The following ZDHHC8 variants were observed in gnomAD, a reference collection of about 807,000 sequenced individuals.
ZDHHC8 encodes the protein zDHHC palmitoyltransferase 8.
ZDHHC8 carries 24 observed loss-of-function variants against 61.2 expected under a neutral mutation model. The ratio of observed to expected loss-of-function variants is 0.39; its 90% CI spans 0.28 to 0.55. The LOEUF (loss-of-function observed/expected upper bound fraction) is 0.55. Ranked by LOEUF, ZDHHC8 falls within the 20% of genes least tolerant of loss-of-function variation. The pLI is 0.60. For missense variants in ZDHHC8, 935 were observed against 1,102.1 expected, an observed-to-expected ratio of 0.85 and a Z score of 2.15; for synonymous variants, 523 against 492.5, an observed-to-expected ratio of 1.06 and a Z score of -0.82.
chr22:20,145,101 C>T (rs532710877), intron 10 of ZDHHC8, 128 bp from the exon 11 acceptor site: 23 of 861,172 alleles, frequency 2.7e-5, no homozygotes, highest in African/African-American at 1.4e-4. Flanking sequence ...AGGGACTGCA[C>T]GGGGCCCCAC....
chr22:20,145,256 A>T lies in ZDHHC8; in HGVS notation c.2154A>T (p.Pro718=). 2 of 1,522,630 alleles carry T rather than the reference A, an allele frequency of 1.3e-6. No homozygotes were observed. The highest frequency in any genetic ancestry group is 1.8e-6 in the Non-Finnish European group (2 of 1,135,576). 94.3% of individuals were successfully genotyped at this position (1,522,630 alleles called of 1,614,324 possible). ...ACCACCCTCAGCTGAAGACTCCCCC[A>T]AGTAAGCTTAATGGGCAGTCCCCGG... The part of the protein sequence containing the change: ...QRDHPQLKTP[P]SKLNGQSPGL... The change falls in exon 11 of 11, where the codon CCA becomes CCT. Residue 718 remains proline (P), a synonymous_variant. Coordinates refer to ENST00000334554, the MANE Select transcript of ZDHHC8 (RefSeq NM_013373.4).
At chr22:20,132,800 G>A (rs975199332) in intron 1 of ZDHHC8, among the ~76,000 whole-genome samples, 1 of 152,260 alleles carries the variant, frequency 6.6e-6, no homozygotes, top group East Asian at 1.9e-4. Context: ...TAGGACCAGA[G>A]AGGCATGCGG....
rs890475776 is a variant in ZDHHC8 at position 20,140,063 on chromosome 22, T to C, written c.558-52T>C. 5.0e-6 allele frequency: 8 copies of C among 1,604,574 alleles called. No homozygotes were observed. The African/African-American group carries it at 1.1e-4, about 21-fold the overall frequency. On this transcript the variant is annotated intron_variant, in intron 4 of 10. Transcript: ENST00000334554. Reference sequence around the variant, plus strand: ...TCCACAGGCACCTGCTCTGTGCTGCTGCGATGGGGTCTGCGGTGTCCTGGC... The same window carrying C: ...TCCACAGGCACCTGCTCTGTGCTGCCGCGATGGGGTCTGCGGTGTCCTGGC...
chr22:20,144,604 C>T (rs530347233), intron 10 of ZDHHC8, among the ~76,000 whole-genome samples: 2 of 152,346 alleles, frequency 1.3e-5, no homozygotes, highest in South Asian at 2.1e-4. Flanking sequence ...CAGCCCTGAG[C>T]GGGTCTCCTC....
At chr22:20,140,082 T>C in intron 4 of ZDHHC8, 33 bp from the exon 5 acceptor site, 1 of 1,610,790 alleles carries the variant, frequency 6.2e-7, no homozygotes, top group Non-Finnish European at 8.5e-7. Context: ...GTCTGCGGTG[T>C]CCTGGCCTGC....
intron 10 of ZDHHC8, 54 bp from the exon 11 acceptor site, chr22:20,145,175 C>T: frequency 7.3e-7 from 1 of 1,365,316 alleles, no homozygotes; most frequent in South Asian, 1.7e-5. Flanking sequence ...GTCCTCTGTC[C>T]CCGTGTTCGT....
intron 1 of ZDHHC8, among the ~76,000 whole-genome samples, chr22:20,135,121 G>T (rs947644263): frequency 1.3e-5 from 2 of 150,548 alleles, no homozygotes; most frequent in South Asian, 2.1e-4. Context: ...TTGTTTTTTT[G>T]TTTTTTTTTA....
At chr22:20,141,056 G>T in intron 7 of ZDHHC8, 44 bp downstream of exon 7, 1 of 1,606,326 alleles carries the variant, frequency 6.2e-7, no homozygotes. Flanking sequence ...CAGGCCCTTG[G>T]ATGGGGAAAC....
At chr22:20,135,089 A>G (rs969426509) in intron 1 of ZDHHC8, among the ~76,000 whole-genome samples, 8 of 151,410 alleles carry the variant, frequency 5.3e-5, no homozygotes, top group African/African-American at 1.9e-4. Context: ...GCACCCTCAC[A>G]CCTGGCTAAT....
Position 20,147,312 on chromosome 22 carries a change from G to A in ZDHHC8, c.*1912G>A. 2 of 1,331,706 alleles carry A rather than the reference G, an allele frequency of 1.5e-6. No homozygotes were observed. Among genetic ancestry groups the A allele is most frequent in the Non-Finnish European group, 2.0e-6 (2 of 1,019,832 alleles). The allele number at this position is 1,331,706 out of a possible 1,614,324, so 82.5% of individuals were successfully genotyped here. A position where few individuals can be genotyped will look rare whatever the true frequency, so the allele number is the denominator to read the frequency against. Reference sequence around the variant, plus strand: ...AGGTCAGACTGCAGTGGACCCTGGGGCAGGGCTGGGGGTGGGCTGGGCTCT... The same window carrying A: ...AGGTCAGACTGCAGTGGACCCTGGGACAGGGCTGGGGGTGGGCTGGGCTCT... On this transcript the variant is annotated 3_prime_UTR_variant, in exon 11 of 11. Transcript: ENST00000334554.
At chr22:20,136,659 C>T (rs1013514884) in intron 1 of ZDHHC8, among the ~76,000 whole-genome samples, 10 of 152,178 alleles carry the variant, frequency 6.6e-5, no homozygotes, top group African/African-American at 2.2e-4. Flanking sequence ...GGCGTGTCTG[C>T]GTTCATGCAT....
intron 1 of ZDHHC8, among the ~76,000 whole-genome samples, chr22:20,132,596 G>T (rs1488843827): frequency 6.6e-6 from 1 of 152,228 alleles, no homozygotes; most frequent in Non-Finnish European, 1.5e-5. Flanking sequence ...TTCTCAGGAA[G>T]ACCCAGTGGT....
Position 20,143,520 on chromosome 22 carries a change from G to T in ZDHHC8, c.1890G>T (p.Ser630=), listed in dbSNP as rs763084533. The T allele has an allele frequency of 1.3e-6, 2 of 1,599,986 alleles. No homozygotes were observed. Among genetic ancestry groups the T allele is most frequent in the Non-Finnish European group, 1.7e-6 (2 of 1,178,294 alleles). The change falls in exon 10 of 11, where the codon TCG becomes TCT. Residue 630 remains serine, a synonymous_variant. Coordinates refer to ENST00000334554, the MANE Select transcript of ZDHHC8 (RefSeq NM_013373.4). ...RNPALQTSLS[S]LSSSVSRAPR... ...CTGCCCTGCAGACGTCACTGTCCTC[G>T]CTGTCCAGCTCCGTGAGCCGTGCAC... is the stretch of plus-strand genomic sequence containing the variant.
At chr22:20,135,490 G>T (rs973131783) in intron 1 of ZDHHC8, among the ~76,000 whole-genome samples, 1 of 152,228 alleles carries the variant, frequency 6.6e-6, no homozygotes, top group East Asian at 1.9e-4. Flanking sequence ...GCTTATCTCT[G>T]TCTGGGGCAT....
chr22:20,137,071 G>A (rs1166717054), intron 1 of ZDHHC8, among the ~76,000 whole-genome samples: 1 of 152,202 alleles, frequency 6.6e-6, no homozygotes, highest in African/African-American at 2.4e-5. Flanking sequence ...AGCAGCTCAG[G>A]TCCCAGTCAG....
At position 20,147,792 on chromosome 22, in the gene ZDHHC8, G is replaced by A. The variant is rs1232801696; in HGVS notation, c.*2392G>A. 2.0e-5 allele frequency: 3 copies of A among 152,430 alleles called. No homozygotes were observed. The highest frequency in any genetic ancestry group is 2.0e-4 in the Admixed American group (3 of 15,294). The allele number at this position is 152,430 out of a possible 1,614,324, so 9.4% of individuals were successfully genotyped here. On this transcript the variant is annotated 3_prime_UTR_variant, in exon 11 of 11. Transcript: ENST00000334554. ...CCGGCGGGATCTCAGAGGGCCTGAG[G>A]CCCAAGCCCTGTGTCCTCCAGCAGT...
rs761385159 is a variant in ZDHHC8, at chr22:20,140,115, C to T, written c.558C>T (p.Thr186=). The T allele has an allele frequency of 4.3e-6, 7 of 1,613,692 alleles. No homozygotes were observed. In the South Asian group the frequency reaches 7.7e-5, roughly 18 times the overall value. ...TGCACCGTTGGCCTTAACGGGCTAG[C>T]ATGGCTGTCATGTGTGTGGCCGGCC... ...EGLGAAHTTI[T]MAVMCVAGLF... is the part of the protein sequence containing the mutation. The change falls in exon 5 of 11, where the codon ACC becomes ACT. Residue 186 remains threonine (T), a splice_region_variant and synonymous_variant. Transcript: ENST00000334554.
intron 1 of ZDHHC8, among the ~76,000 whole-genome samples, chr22:20,136,072 G>A (rs1018670778): frequency 6.6e-6 from 1 of 152,374 alleles, no homozygotes; most frequent in Non-Finnish European, 1.5e-5. Context: ...GTCCCTGCCT[G>A]TGGCCCTGGA....
rs1301513573 is a variant in ZDHHC8, at chr22:20,146,341, T to C, written c.*941T>C. 2 of 985,580 alleles carry C rather than the reference T, an allele frequency of 2.0e-6. No individual in the cohort carries two copies. Among genetic ancestry groups the C allele is most frequent in the African/African-American group, 1.7e-5 (1 of 57,248 alleles). The allele number at this position is 985,580 out of a possible 1,614,324, so 61.1% of individuals were successfully genotyped here. A position where few individuals can be genotyped will look rare whatever the true frequency, so the allele number is the denominator to read the frequency against. On this transcript the variant is annotated 3_prime_UTR_variant, in exon 11 of 11. Transcript: ENST00000334554. The stretch of plus-strand genomic sequence containing the variant: ...GGGGAGGGGTCAGTGCTTCCCTTGG[T>C]GTCAGGGACCTGAGAGTAAGCACAT...
Sources: gnomAD v4.1 joint callset for allele counts (sites outside exome capture counted in the v4.1 genomes callset) on GRCh38, gnomAD v4.1.1 for gene constraint, MANE v1.5 for transcripts, NCBI Gene and HGNC (gene_info 2026-07-23, HGNC 2026-07-21) for gene names.